The following CAND2 variants were observed in gnomAD, a reference collection of about 807,000 sequenced individuals.
The protein encoded by CAND2 is cullin associated and neddylation dissociated 2 (putative).
In CAND2, 62 loss-of-function variants were observed where a neutral mutation model predicts 98.9. The ratio of observed to expected loss-of-function variants is 0.63; its 90% CI spans 0.51 to 0.77. The LOEUF is 0.77. Ranked by LOEUF, CAND2 falls within the 30% of genes least tolerant of loss-of-function variation. The pLI is 0.00. For missense variants in CAND2, 1,501 were observed against 1,655.2 expected, an observed-to-expected ratio of 0.91 and a Z score of 1.62; for synonymous variants, 770 against 731.9, an observed-to-expected ratio of 1.05 and a Z score of -0.84.
At chr3:12,821,322 C>T (rs924911423) in intron 11 of CAND2, among the ~76,000 whole-genome samples, 2 of 152,070 alleles carry the variant, frequency 1.3e-5, no homozygotes, top group Non-Finnish European at 2.9e-5. Flanking sequence ...ATTGCTTGAA[C>T]CCGGGAGGCA....
At chr3:12,825,752 G>A (rs1333440685) in intron 12 of CAND2, 113 bp downstream of exon 12, 3 of 1,152,174 alleles carry the variant, frequency 2.6e-6, no homozygotes, top group Non-Finnish European at 3.7e-6. Context: ...ACATGGCCTG[G>A]GTCAAGTCCT....
chr3:12,813,667 G>C (rs2061873243), intron 7 of CAND2, among the ~76,000 whole-genome samples: 4 of 152,254 alleles, frequency 2.6e-5, no homozygotes, highest in Admixed American at 1.3e-4. Context: ...ACTGAGAAGA[G>C]AGTGGCCTGA....
Position 12,817,856 on chromosome 3 carries a change from T to C in CAND2, c.2924T>C (p.Leu975Ser). Residue 975 changes from leucine (L) to serine (S), a missense_variant, in exon 10 of 15, where the codon TTG (leucine) becomes TCG (serine). Physicochemically the swap from Leu to Ser is moderately radical, Grantham distance 145 (BLOSUM62 -2). Transcript: ENST00000456430. The part of the protein sequence containing the change: ...LVNPSFLLPR[L>S]RKQLAAGRPH... ...AACCCTTCGTTCCTTCTGCCCCGCT[T>C]GCGGAAGCAGCTTGCTGCAGGTAGG... 6.6e-7 allele frequency: 1 copy of C among 1,505,786 alleles called. No homozygotes were observed. Among genetic ancestry groups the C allele is most frequent in the South Asian group, 1.4e-5 (1 of 73,796 alleles). 93.3% of individuals were successfully genotyped at this position (1,505,786 alleles called of 1,614,324 possible). A position where few individuals can be genotyped will look rare whatever the true frequency, so the allele number is the denominator to read the frequency against.
In CAND2 at chr3:12,815,790, C is replaced by A; in HGVS notation, c.1300-77C>A. ...ACATCCTCCCTGGGGATGTGTCTGG[C>A]AAAGCCTCCTGGTAGTGGGCAGGTG... On this transcript the variant is annotated intron_variant, in intron 8 of 14. Transcript: ENST00000456430. The surrounding 1 kb of genome is among the most constrained non-coding windows in gnomAD (Gnocchi z 5.7). The A allele has an allele frequency of 1.4e-6, 2 of 1,435,074 alleles. No homozygotes were observed. Among genetic ancestry groups the A allele is most frequent in the Non-Finnish European group, 1.9e-6 (2 of 1,039,834 alleles). 88.9% of individuals were successfully genotyped at this position (1,435,074 alleles called of 1,614,324 possible).
chr3:12,802,065 C>T (rs1274849668), intron 1 of CAND2, among the ~76,000 whole-genome samples: 2 of 152,202 alleles, frequency 1.3e-5, no homozygotes, highest in African/African-American at 2.4e-5. Flanking sequence ...CGGTGGCTCA[C>T]GCCTGTAATC....
chr3:12,813,654 C>A (rs954103243), intron 7 of CAND2, among the ~76,000 whole-genome samples: 1 of 152,226 alleles, frequency 6.6e-6, no homozygotes, highest in African/African-American at 2.4e-5. Flanking sequence ...GACAAGGACA[C>A]ATACTGAGAA....
At chr3:12,826,225 C>T (rs2061997829) in intron 12 of CAND2, among the ~76,000 whole-genome samples, 2 of 152,186 alleles carry the variant, frequency 1.3e-5, no homozygotes, top group South Asian at 4.1e-4. Context: ...TCCCATCATA[C>T]ACCAAGGAGC....
intron 4 of CAND2, among the ~76,000 whole-genome samples, chr3:12,808,968 G>T (rs1002734842): frequency 6.6e-6 from 1 of 152,140 alleles, no homozygotes; most frequent in East Asian, 1.9e-4. Flanking sequence ...TGGGGCAGGG[G>T]TGAGTATTTG....
intron 4 of CAND2, 85 bp from the exon 5 acceptor site, chr3:12,809,974 C>A: frequency 7.3e-7 from 1 of 1,368,618 alleles, no homozygotes; most frequent in Non-Finnish European, 9.5e-7. Flanking sequence ...GGGAAGGAGG[C>A]CGGGAGAGAA....
chr3:12,820,105 C>T lies in CAND2; in HGVS notation c.2964C>T (p.Ser988=), dbSNP rs540783705. The part of the protein sequence containing the change: ...QLAAGRPHTR[S]TVITAVKFLI... ...CTGCAGGTCGGCCACACACCCGGAGCACCGTCATCACAGCGGTCAAGTTCC... is the reference window on the plus strand; with the variant it reads ...CTGCAGGTCGGCCACACACCCGGAGTACCGTCATCACAGCGGTCAAGTTCC... The change falls in exon 11 of 15, where the codon AGC becomes AGT. Residue 988 remains serine, a synonymous_variant. Transcript: ENST00000456430. The T allele has an allele frequency of 4.8e-5, 78 of 1,614,142 alleles. No homozygotes were observed. In the South Asian group the frequency reaches 5.9e-4, roughly 12 times the overall value.
chr3:12,815,358 G>T lies in CAND2; in HGVS notation c.1224G>T (p.Gln408His), dbSNP rs201177236. The T allele has an allele frequency of 4.6e-4, 747 of 1,613,832 alleles. 5 individuals carry two copies. The highest frequency in any genetic ancestry group is 1.0e-4 in the Non-Finnish European group (121 of 1,180,042). The change falls in exon 8 of 15, where the codon CAG becomes CAT. Residue 408 changes from glutamine (Q) to histidine (H), a missense_variant. Physicochemically the swap from Gln to His is conservative, Grantham distance 24. Coordinates refer to ENST00000456430, the MANE Select transcript of CAND2 (RefSeq NM_001162499.2). This position sits in a 1 kb window ranked among gnomAD's most constrained non-coding sequence, Gnocchi z 5.7. ...ACATCGTGCTGCTGCGGCAAACACAGCCCCCGAAGGGATGGCTGGAGGCCA... is the reference window on the plus strand; with the variant it reads ...ACATCGTGCTGCTGCGGCAAACACATCCCCCGAAGGGATGGCTGGAGGCCA... ...TAYIVLLRQT[Q>H]PPKGWLEAME... is the part of the protein sequence containing the mutation.
chr3:12,815,453 C>A lies in CAND2; in HGVS notation c.1299+20C>A. On this transcript the variant is annotated intron_variant, in intron 8 of 14. Coordinates refer to ENST00000456430, the MANE Select transcript of CAND2 (RefSeq NM_001162499.2). This position sits in a 1 kb window ranked among gnomAD's most constrained non-coding sequence, Gnocchi z 5.7. ...GGACAGGTGGGCGTGCCTTCACCTCCACCCCTACCCCCGATTTGCCTACCC... is the reference window on the plus strand; with the variant it reads ...GGACAGGTGGGCGTGCCTTCACCTCAACCCCTACCCCCGATTTGCCTACCC... 1 of 1,592,882 alleles carries A rather than the reference C, an allele frequency of 6.3e-7. No individual in the cohort carries two copies.
chr3:12,811,904 C>CT (rs1235340740), intron 5 of CAND2, among the ~76,000 whole-genome samples: 145 of 134,366 alleles, frequency 1.1e-3, no homozygotes, highest in South Asian at 6.5e-3. Flanking sequence ...TTTTTAACTT[C>CT]TTTTTTTTTT....
chr3:12,800,872 A>C (rs2061760959), intron 1 of CAND2, among the ~76,000 whole-genome samples: 2 of 146,344 alleles, frequency 1.4e-5, no homozygotes, highest in South Asian at 4.3e-4. Flanking sequence ...ACAGGTGTGC[A>C]CCACCATACC....
Position 12,833,301 on chromosome 3 carries a change from G to A in CAND2, c.3484-454G>A, listed in dbSNP as rs144678136. Among the ~76,000 whole-genome samples the A allele has an allele frequency of 3.3e-3, 504 of 152,286 alleles. 1 individual carries two copies. The highest frequency in any genetic ancestry group is 6.1e-3 in the Non-Finnish European group (414 of 68,024). ...CGGCTGCATCTGCAAAACTGATTGC[G>A]GGGCAGGGACTTGAGTATGGGGAGG... is the stretch of plus-strand genomic sequence containing the variant. On this transcript the variant is annotated intron_variant, in intron 14 of 14. Transcript: ENST00000456430.
At chr3:12,814,626 C>T (rs933622357) in intron 7 of CAND2, among the ~76,000 whole-genome samples, 2 of 152,196 alleles carry the variant, frequency 1.3e-5, no homozygotes, top group African/African-American at 4.8e-5. Flanking sequence ...AAGGGAGGCT[C>T]TGTCCCTTCT....
At chr3:12,800,725 GTTTTT>G in intron 1 of CAND2, among the ~76,000 whole-genome samples, 1 of 151,962 alleles carries the variant, frequency 6.6e-6, no homozygotes, top group Non-Finnish European at 1.5e-5. Flanking sequence ...TTTTGTTTTT[GTTTTT>G]GTTTTTGTTT....
intron 14 of CAND2, 45 bp from the exon 15 acceptor site, chr3:12,833,710 C>A (rs777160680): frequency 2.0e-6 from 3 of 1,498,770 alleles, no homozygotes; most frequent in Non-Finnish European, 2.8e-6. Context: ...GTGGTGTGGG[C>A]CAGGCTCAAT....
intron 10 of CAND2, 77 bp from the exon 11 acceptor site, chr3:12,820,009 G>C: frequency 8.6e-7 from 1 of 1,162,748 alleles, no homozygotes. Context: ...AGGGGGAGGA[G>C]CCTAAGCACC....
Sources: gnomAD v4.1 joint callset for allele counts (sites outside exome capture counted in the v4.1 genomes callset) on GRCh38, gnomAD v4.1.1 for gene constraint, Gnocchi (gnomAD v3.1) non-coding constraint, MANE v1.5 for transcripts, NCBI Gene and HGNC (gene_info 2026-07-23, HGNC 2026-07-21) for gene names.